Variants in CNTN5 observed in about 807,000 individuals in gnomAD.
The protein encoded by CNTN5 is contactin 5.
A neutral mutation model predicts 129.1 loss-of-function variants in CNTN5; 77 were observed. That is an observed-to-expected ratio of 0.60 (90% CI 0.50 to 0.72). The LOEUF (loss-of-function observed/expected upper bound fraction) is 0.72, where lower values mean the gene tolerates loss of function less well. CNTN5 is among the 30% of genes least tolerant of loss of function. The pLI, the probability that CNTN5 is intolerant of heterozygous loss-of-function variation, is 0.00. For missense variants in CNTN5, 1,478 were observed against 1,328.8 expected (o/e 1.11, Z -1.75); for synonymous variants, 509 against 465.6 (o/e 1.09, Z -1.20).
intron 1 of CNTN5, among the ~76,000 whole-genome samples, chr11:99,226,333 G>A (rs560719752): frequency 1.2e-4 from 18 of 152,210 alleles, no homozygotes; most frequent in Admixed American, 7.9e-4. Context: ...TATAGATGTG[G>A]CACCAAATAT....
intron 23 of CNTN5, among the ~76,000 whole-genome samples, chr11:100,341,974 C>T (rs1332161461): frequency 6.6e-6 from 1 of 151,392 alleles, no homozygotes; most frequent in African/African-American, 2.4e-5. Context: ...CAACTGAAAG[C>T]TATCATTATA....
At chr11:99,113,828 T>C (rs1297292122) in intron 1 of CNTN5, among the ~76,000 whole-genome samples, 2 of 152,102 alleles carry the variant, frequency 1.3e-5, no homozygotes, top group African/African-American at 2.4e-5. Context: ...TCCTAACTTA[T>C]TACATAAAGA....
At chr11:99,679,199 T>A (rs1434939908) in intron 3 of CNTN5, among the ~76,000 whole-genome samples, 1 of 131,240 alleles carries the variant, frequency 7.6e-6, no homozygotes, top group Non-Finnish European at 1.7e-5. Context: ...ATATAGGGAA[T>A]ATATATATAT....
intron 13 of CNTN5, among the ~76,000 whole-genome samples, chr11:100,126,354 T>C (rs1477819845): frequency 2.6e-5 from 4 of 152,108 alleles, no homozygotes; most frequent in South Asian, 2.1e-4. Flanking sequence ...CTTGTTAATT[T>C]TGTACCTTGA....
chr11:99,935,522 AT>A (rs1429475182), intron 7 of CNTN5, among the ~76,000 whole-genome samples: 11 of 152,056 alleles, frequency 7.2e-5, no homozygotes. Flanking sequence ...AATATTTCTT[AT>A]TGTAAATTGC....
chr11:100,087,044 G>A (rs1944582107), intron 13 of CNTN5, among the ~76,000 whole-genome samples: 1 of 151,568 alleles, frequency 6.6e-6, no homozygotes, highest in Non-Finnish European at 1.5e-5. Context: ...ACAAATATAA[G>A]CACAATTAGA....
intron 3 of CNTN5, among the ~76,000 whole-genome samples, chr11:99,752,154 T>C (rs1254880370): frequency 6.6e-6 from 1 of 152,198 alleles, no homozygotes; most frequent in Non-Finnish European, 1.5e-5. Flanking sequence ...TTGCTCCCTC[T>C]CTGCCTACAG....
chr11:99,314,682 G>A (rs1391327590), intron 1 of CNTN5, among the ~76,000 whole-genome samples: 2 of 151,886 alleles, frequency 1.3e-5, no homozygotes, highest in Non-Finnish European at 2.9e-5. Flanking sequence ...TTAAGTAACA[G>A]TGAGTGAGAG....
At chr11:99,962,698 G>A (rs1950982574) in intron 8 of CNTN5, among the ~76,000 whole-genome samples, 1 of 150,980 alleles carries the variant, frequency 6.6e-6, no homozygotes, top group African/African-American at 2.5e-5. Context: ...GGGTCAAATG[G>A]TATTTCTAGT....
chr11:99,072,852 A>C (rs915702089), intron 1 of CNTN5, among the ~76,000 whole-genome samples: 5 of 152,116 alleles, frequency 3.3e-5, no homozygotes, highest in South Asian at 2.1e-4. Flanking sequence ...CTGTATCTCA[A>C]ATGATTCCTT....
chr11:100,262,796 G>A (rs1267503974), intron 17 of CNTN5, among the ~76,000 whole-genome samples: 3 of 152,046 alleles, frequency 2.0e-5, no homozygotes, highest in Non-Finnish European at 2.9e-5. Flanking sequence ...CCAGGGAGTG[G>A]GGTCCTAGGG....
At chr11:99,358,179 C>CCCAGGTTCACG (rs1173908442) in intron 2 of CNTN5, among the ~76,000 whole-genome samples, 1 of 136,032 alleles carries the variant, frequency 7.4e-6, no homozygotes, top group Non-Finnish European at 1.6e-5. Context: ...AGCTCCGCCT[C>CCCAGGTTCACG]CCAGGTTCAC....
At chr11:99,795,890 C>T (rs1381960093) in intron 3 of CNTN5, among the ~76,000 whole-genome samples, 1 of 152,190 alleles carries the variant, frequency 6.6e-6, no homozygotes, top group Non-Finnish European at 1.5e-5. Flanking sequence ...CCGATCACAA[C>T]ACTCTGTTGA....
intron 3 of CNTN5, among the ~76,000 whole-genome samples, chr11:99,780,327 T>C (rs1198849161): frequency 6.6e-6 from 1 of 152,106 alleles, no homozygotes; most frequent in African/African-American, 2.4e-5. Flanking sequence ...GAGGAGAATA[T>C]GGCTAATACA....
chr11:99,608,701 T>A (rs946472999), intron 3 of CNTN5, among the ~76,000 whole-genome samples: 1 of 152,182 alleles, frequency 6.6e-6, no homozygotes, highest in African/African-American at 2.4e-5. Flanking sequence ...CTTGTGTTGC[T>A]TAAGCCACTC....
At chr11:100,156,338 C>A (rs1254482514) in intron 13 of CNTN5, among the ~76,000 whole-genome samples, 1 of 152,104 alleles carries the variant, frequency 6.6e-6, no homozygotes. Context: ...AGCCCTGCAT[C>A]CCAGGGATGA....
At position 99,746,157 on chromosome 11, in the gene CNTN5, A is replaced by G. The variant is rs1944049701; in HGVS notation, c.56-73387A>G. 2.0e-5 allele frequency among the ~76,000 whole-genome samples: 3 copies of G among 152,356 alleles called. No individual in the cohort carries two copies. The South Asian group carries it at 6.2e-4, about 32-fold the overall frequency. ...ACTAAAAAAATCCTTGCCCAAACCAATGGCAAGAATATTTTTTTCCCTACA... is the reference window on the plus strand; with the variant it reads ...ACTAAAAAAATCCTTGCCCAAACCAGTGGCAAGAATATTTTTTTCCCTACA... On this transcript the variant is annotated intron_variant, in intron 3 of 24. Transcript: ENST00000524871.
intron 2 of CNTN5, among the ~76,000 whole-genome samples, chr11:99,404,951 A>G (rs1942007080): frequency 6.6e-6 from 1 of 152,076 alleles, no homozygotes; most frequent in Admixed American, 6.6e-5. Flanking sequence ...GAAAGCCTTT[A>G]TGTCTCTCTC....
chr11:99,964,177 G>C (rs529653063), intron 8 of CNTN5, among the ~76,000 whole-genome samples: 31 of 152,228 alleles, frequency 2.0e-4, no homozygotes, highest in African/African-American at 2.4e-4. Context: ...GATTGCCCTG[G>C]CCAGAACTTC....
Sources: gnomAD v4.1 joint callset for allele counts (sites outside exome capture counted in the v4.1 genomes callset) on GRCh38, gnomAD v4.1.1 for gene constraint, MANE v1.5 for transcripts, NCBI Gene and HGNC (gene_info 2026-07-23, HGNC 2026-07-21) for gene names.